Variants in SLC24A4 observed in about 807,000 individuals in gnomAD.
SLC24A4 encodes the protein solute carrier family 24 member 4, also known as sodium/potassium/calcium exchanger 4.
In SLC24A4, 53 loss-of-function variants were observed where a neutral mutation model predicts 79.0. The observed-to-expected ratio is 0.67, with a 90% confidence interval of 0.54 to 0.84. The LOEUF (loss-of-function observed/expected upper bound fraction) is 0.84, where lower values mean the gene tolerates loss of function less well. Ranked by LOEUF, SLC24A4 falls within the 40% of genes least tolerant of loss-of-function variation. The pLI, the probability that SLC24A4 is intolerant of heterozygous loss-of-function variation, is 0.00. For synonymous variants in SLC24A4, 323 were observed against 323.8 expected, an observed-to-expected ratio of 1.00 and a Z score of 0.03; for missense variants, 731 against 822.0, an observed-to-expected ratio of 0.89 and a Z score of 1.35.
At chr14:92,467,572 A>T (rs1459778671) in intron 12 of SLC24A4, among the ~76,000 whole-genome samples, 2 of 152,234 alleles carry the variant, frequency 1.3e-5, no homozygotes, top group African/African-American at 4.8e-5. Context: ...TGAGGGACAG[A>T]GAGGGGAGGT....
At chr14:92,338,683 T>C in intron 2 of SLC24A4, among the ~76,000 whole-genome samples, 1 of 152,322 alleles carries the variant, frequency 6.6e-6, no homozygotes, top group South Asian at 2.1e-4. Flanking sequence ...TTCAGCTCTG[T>C]ACCTAAGATA....
chr14:92,348,038 G>T (rs1183672318), intron 2 of SLC24A4, among the ~76,000 whole-genome samples: 1 of 152,248 alleles, frequency 6.6e-6, no homozygotes, highest in African/African-American at 2.4e-5. Context: ...CAAAAGAACA[G>T]TTGAGATGTT....
chr14:92,470,069 A>G (rs1031345837), intron 12 of SLC24A4, among the ~76,000 whole-genome samples: 2 of 152,212 alleles, frequency 1.3e-5, no homozygotes, highest in African/African-American at 4.8e-5. Context: ...CGTTAATTAT[A>G]TCTCAATTGC....
chr14:92,459,313 G>A (rs958213560), intron 12 of SLC24A4, among the ~76,000 whole-genome samples: 2 of 152,200 alleles, frequency 1.3e-5, no homozygotes, highest in African/African-American at 2.4e-5. Flanking sequence ...GTGGCTGTGC[G>A]GCCTCTGGAC....
chr14:92,481,206 G>A (rs1432157148), intron 12 of SLC24A4, among the ~76,000 whole-genome samples: 1 of 152,196 alleles, frequency 6.6e-6, no homozygotes, highest in East Asian at 1.9e-4. Flanking sequence ...GTAGAACCCT[G>A]GGCACAGCCC....
chr14:92,476,450 G>C (rs1024091689), intron 12 of SLC24A4, among the ~76,000 whole-genome samples: 1 of 134,578 alleles, frequency 7.4e-6, no homozygotes, highest in African/African-American at 2.6e-5. Flanking sequence ...ATAAGCAGCT[G>C]ATTTTTTTTT....
chr14:92,440,909 G>A (rs1342468109), intron 4 of SLC24A4, among the ~76,000 whole-genome samples: 3 of 151,986 alleles, frequency 2.0e-5, no homozygotes, highest in African/African-American at 7.3e-5. Flanking sequence ...AATGGCCCAG[G>A]CAAAGGCAGG....
Position 92,353,345 on chromosome 14 carries a change from C to T in SLC24A4, c.241+27367C>T, listed in dbSNP as rs534051064. 6.6e-6 allele frequency among the ~76,000 whole-genome samples: 1 copy of T among 152,230 alleles called. No individual in the cohort carries two copies. The highest frequency in any genetic ancestry group is 2.4e-5 in the African/African-American group (1 of 41,456). On this transcript the variant is annotated intron_variant, in intron 2 of 16. Transcript: ENST00000532405. The surrounding 1 kb of genome is among the most constrained non-coding windows in gnomAD (Gnocchi z 4.1). ...TGCTATGATCTATTTAACTCATTCC[C>T]TAATGATGTATATGCATTTAGTTTA... is the stretch of plus-strand genomic sequence containing the variant.
chr14:92,483,058 C>T (rs1174685910), intron 13 of SLC24A4, among the ~76,000 whole-genome samples: 3 of 152,170 alleles, frequency 2.0e-5, no homozygotes, highest in Non-Finnish European at 1.5e-5. Flanking sequence ...CAGTGCCTGC[C>T]TTCGAGTGTG....
chr14:92,422,058 T>C (rs1022962711), intron 2 of SLC24A4, among the ~76,000 whole-genome samples: 2 of 152,208 alleles, frequency 1.3e-5, no homozygotes, highest in African/African-American at 4.8e-5. Context: ...TATGATAAAA[T>C]TTTTTCCACA....
At chr14:92,464,865 C>T (rs1179207390) in intron 12 of SLC24A4, among the ~76,000 whole-genome samples, 1 of 152,204 alleles carries the variant, frequency 6.6e-6, no homozygotes, top group East Asian at 1.9e-4. Context: ...GACCCAAGGG[C>T]CGCCAAGAAA....
chr14:92,401,575 C>T (rs865900954), intron 2 of SLC24A4, among the ~76,000 whole-genome samples: 1 of 152,136 alleles, frequency 6.6e-6, no homozygotes, highest in East Asian at 1.9e-4. Context: ...CAAAGGGCCC[C>T]TCTTTGGAAG....
chr14:92,380,405 A>G (rs1888773950), intron 2 of SLC24A4, among the ~76,000 whole-genome samples: 1 of 152,150 alleles, frequency 6.6e-6, no homozygotes. Flanking sequence ...TTCAGGCAGG[A>G]TCCTGCTTGA....
Position 92,337,498 on chromosome 14 carries a change from G to T in SLC24A4, c.241+11520G>T, listed in dbSNP as rs1053355265. Among the ~76,000 whole-genome samples the T allele has an allele frequency of 7.9e-5, 12 of 152,298 alleles. No homozygotes were observed. The East Asian group carries it at 2.1e-3, about 27-fold the overall frequency. On this transcript the variant is annotated intron_variant, in intron 2 of 16. Transcript: ENST00000532405. ...TGGCTGACCCCTCTAGCCTGTCGGT[G>T]CCTTGGGGAAGATCAGGACACCCAG...
intron 2 of SLC24A4, among the ~76,000 whole-genome samples, chr14:92,333,245 C>A (rs568566422): frequency 7.9e-5 from 12 of 152,244 alleles, no homozygotes; most frequent in African/African-American, 2.6e-4. Context: ...AGGCGCCCAC[C>A]ACCATACCTG....
At chr14:92,491,577 G>C (rs1182294945) in intron 14 of SLC24A4, 88 bp from the exon 15 acceptor site, 4 of 903,748 alleles carry the variant, frequency 4.4e-6, no homozygotes, top group Admixed American at 1.8e-5. Flanking sequence ...GCTTTCCAAG[G>C]AATGGCACTG....
At chr14:92,348,797 G>A (rs1227607428) in intron 2 of SLC24A4, among the ~76,000 whole-genome samples, 2 of 152,210 alleles carry the variant, frequency 1.3e-5, no homozygotes, top group African/African-American at 2.4e-5. Context: ...GTTCTAAGGA[G>A]TCCCCTTCGG....
intron 2 of SLC24A4, among the ~76,000 whole-genome samples, chr14:92,361,933 G>T (rs1255609118): frequency 6.6e-6 from 1 of 152,194 alleles, no homozygotes; most frequent in Non-Finnish European, 1.5e-5. Flanking sequence ...GGGAGGCAAA[G>T]ACAGCACCTT....
intron 12 of SLC24A4, among the ~76,000 whole-genome samples, chr14:92,478,705 A>G (rs1894903601): frequency 6.8e-6 from 1 of 147,886 alleles, no homozygotes; most frequent in African/African-American, 2.5e-5. Flanking sequence ...ATATTTTCAT[A>G]TGAATTTTAG....
Sources: allele counts gnomAD v4.1 joint callset (sites outside exome capture counted in the v4.1 genomes callset), GRCh38; gene constraint gnomAD v4.1.1; non-coding constraint Gnocchi (gnomAD v3.1); transcripts MANE v1.5; gene names NCBI Gene and HGNC (gene_info 2026-07-23, HGNC 2026-07-21).